PIR: variants seen among roughly 807,000 people sequenced by gnomAD.
PIR encodes the protein pirin (iron-binding nuclear protein).
In PIR, 22 loss-of-function variants were observed where a neutral mutation model predicts 24.2. The observed-to-expected ratio is 0.91, with a 90% confidence interval of 0.65 to 1.30. PIR has a LOEUF of 1.30. Among genes scored for constraint, PIR ranks in the 50% most tolerant of loss-of-function variants. PIR has a pLI of 0.00. For synonymous variants in PIR, 80 were observed against 79.6 expected, an observed-to-expected ratio of 1.00 and a Z score of -0.03; for missense variants, 220 against 220.3, an observed-to-expected ratio of 1.00 and a Z score of 0.01.
intron 2 of PIR, among the ~76,000 whole-genome samples, chrX:15,484,986 A>G (rs1922734611): frequency 8.9e-6 from 1 of 112,236 alleles, no homozygotes; most frequent in Admixed American, 9.4e-5. Context: ...GCCTACCCAT[A>G]TTATAAAAAA....
At chrX:15,443,099 G>A (rs1343112256) in intron 5 of PIR, among the ~76,000 whole-genome samples, 6 of 111,698 alleles carry the variant, frequency 5.4e-5, no homozygotes, top group Non-Finnish European at 1.1e-4. Flanking sequence ...TCTCGTTAGG[G>A]GTTAATGCAG....
intron 5 of PIR, among the ~76,000 whole-genome samples, chrX:15,451,609 T>A (rs1920966803): frequency 8.9e-6 from 1 of 111,935 alleles, no homozygotes. Context: ...AGCATCCATG[T>A]ATATTTTAAT....
chrX:15,412,076 T>C (rs1381527628), intron 6 of PIR, among the ~76,000 whole-genome samples: 2 of 112,241 alleles, frequency 1.8e-5, no homozygotes, highest in East Asian at 5.5e-4. Context: ...AAAAGTATAG[T>C]GCACTTATGG....
chrX:15,397,463 G>C lies in PIR; in HGVS notation c.679C>G (p.Gln227Glu). 8.4e-7 allele frequency: 1 copy of C among 1,190,389 alleles called. No homozygotes were observed. Among genetic ancestry groups the C allele is most frequent in the South Asian group, 1.8e-5 (1 of 56,518 alleles). The change falls in exon 8 of 10, where the codon CAG becomes GAG. Residue 227 changes from glutamine (Q) to glutamate (E), a missense_variant. By Grantham distance (29) the Gln-to-Glu change is conservative. Transcript: ENST00000380420. ...TAVLGEGDSVQVENKDPKRSH... is the reference protein window; with the variant it reads ...TAVLGEGDSVEVENKDPKRSH... ...AACATACTTACCTTGTTCTCCACCT[G>C]GACACTGTCACCTTCTCCAAGCACT...
At chrX:15,453,505 C>A (rs1018562020) in intron 5 of PIR, among the ~76,000 whole-genome samples, 1 of 111,894 alleles carries the variant, frequency 8.9e-6, no homozygotes, top group South Asian at 3.7e-4. Context: ...ATGCAGGTAA[C>A]CACTGCACCA....
chrX:15,407,555 A>G lies in PIR; in HGVS notation c.566-5T>C. On this transcript the variant is annotated splice_region_variant and splice_polypyrimidine_tract_variant and intron_variant, in intron 6 of 9. Coordinates refer to ENST00000380420, the MANE Select transcript of PIR (RefSeq NM_001018109.3). ...TGTAAATGAAGCTTGTCCACCCTGG[A>G]AAGGACCAGCAACATTAACATGTTA... 1 of 1,186,019 alleles carries G rather than the reference A, an allele frequency of 8.4e-7. No individual in the cohort carries two copies. The highest frequency in any genetic ancestry group is 1.1e-6 in the Non-Finnish European group (1 of 871,760).
intron 6 of PIR, 132 bp from the exon 7 acceptor site, chrX:15,407,682 G>T (rs1924594136): frequency 2.0e-6 from 1 of 507,935 alleles, no homozygotes; most frequent in Non-Finnish European, 3.5e-6. Context: ...GACATTTTAA[G>T]ATTTAAGTTC....
At chrX:15,420,623 T>A (rs1033652092) in intron 6 of PIR, among the ~76,000 whole-genome samples, 45 of 111,847 alleles carry the variant, frequency 4.0e-4, no homozygotes, top group African/African-American at 1.4e-3. Context: ...TGAATTCCCA[T>A]TGATAGAAAA....
intron 5 of PIR, among the ~76,000 whole-genome samples, chrX:15,440,463 G>C (rs147745932): frequency 7.7e-4 from 85 of 109,963 alleles, no homozygotes; most frequent in African/African-American, 2.7e-3. Context: ...ATGTCTGCTT[G>C]GTGAAGTTTT....
rs73451237 is a variant in PIR, at chrX:15,453,010, C to G, written c.480+2838G>C. 7.4e-3 allele frequency among the ~76,000 whole-genome samples: 830 copies of G among 111,926 alleles called. 10 individuals carry two copies. Among genetic ancestry groups the G allele is most frequent in the African/African-American group, 0.025 (783 of 30,824 alleles). On this transcript the variant is annotated intron_variant, in intron 5 of 9. Transcript: ENST00000380420. ...TTAACCTAAAATTGTCTTCCTGATGCGAAACAATCTTCAGTTTCTTTTTAT... is the reference window on the plus strand; with the variant it reads ...TTAACCTAAAATTGTCTTCCTGATGGGAAACAATCTTCAGTTTCTTTTTAT...
rs1319794474 is a variant in PIR at position 15,455,830 on chromosome X, C to T, written c.480+18G>A. On this transcript the variant is annotated intron_variant, in intron 5 of 9. Coordinates refer to ENST00000380420, the MANE Select transcript of PIR (RefSeq NM_001018109.3). ...CACTGCATGCCTCAGGTTAAATAGA[C>T]ACAATAGCCTGGCTTACCTTTATTC... 8 of 1,175,985 alleles carry T rather than the reference C, an allele frequency of 6.8e-6. No individual in the cohort carries two copies. The highest frequency in any genetic ancestry group is 9.3e-6 in the Non-Finnish European group (8 of 862,919).
At chrX:15,417,471 G>A (rs779606811) in intron 6 of PIR, among the ~76,000 whole-genome samples, 18 of 112,227 alleles carry the variant, frequency 1.6e-4, no homozygotes, top group Middle Eastern at 4.2e-3. Flanking sequence ...CAAGGAAGAT[G>A]TAGCTCCTTT....
At chrX:15,467,757 A>G (rs1249029607) in intron 3 of PIR, among the ~76,000 whole-genome samples, 3 of 110,884 alleles carry the variant, frequency 2.7e-5, no homozygotes, top group Non-Finnish European at 5.7e-5. Flanking sequence ...TTTTTCTTTC[A>G]CTCTGATTAA....
chrX:15,485,839 A>C (rs953548490), intron 2 of PIR, among the ~76,000 whole-genome samples: 1 of 112,432 alleles, frequency 8.9e-6, no homozygotes. Context: ...TAAAATAAAC[A>C]TGTGTTATCG....
chrX:15,441,990 C>T (rs910945525), intron 5 of PIR, among the ~76,000 whole-genome samples: 3 of 110,879 alleles, frequency 2.7e-5, no homozygotes, highest in Admixed American at 9.6e-5. Context: ...TCAATTCGTT[C>T]GGAACTTGGG....
chrX:15,487,508 G>A (rs895868707), intron 2 of PIR, among the ~76,000 whole-genome samples: 1 of 111,927 alleles, frequency 8.9e-6, no homozygotes, highest in African/African-American at 3.2e-5. Flanking sequence ...ATGGAGATTC[G>A]TCATACTATT....
At chrX:15,439,700 T>C (rs1925854148) in intron 5 of PIR, among the ~76,000 whole-genome samples, 1 of 112,061 alleles carries the variant, frequency 8.9e-6, no homozygotes, top group African/African-American at 3.2e-5. Context: ...TACAAAAACC[T>C]CAAGGACTGT....
chrX:15,397,544 T>C lies in PIR; in HGVS notation c.611-13A>G, dbSNP rs879074142. 8.8e-7 allele frequency: 1 copy of C among 1,140,723 alleles called. No homozygotes were observed. The highest frequency in any genetic ancestry group is 1.2e-6 in the Non-Finnish European group (1 of 830,690). The allele number at this position is 1,140,723 out of a possible 1,213,427, so 94.0% of individuals were successfully genotyped here. The stretch of plus-strand genomic sequence containing the variant: ...GCATCATCGGGCCCTACAAAACCAA[T>C]GACACACTAATTTAATACCCATTAT... On this transcript the variant is annotated splice_polypyrimidine_tract_variant and intron_variant, in intron 7 of 9. Transcript: ENST00000380420.
At chrX:15,393,229 T>C (rs769220017) in intron 8 of PIR, among the ~76,000 whole-genome samples, 7 of 112,157 alleles carry the variant, frequency 6.2e-5, no homozygotes, top group Non-Finnish European at 1.1e-4. Context: ...GTTTACTTAA[T>C]AATTTACTTT....
Sources: gnomAD v4.1 joint callset for allele counts (sites outside exome capture counted in the v4.1 genomes callset) on GRCh38, gnomAD v4.1.1 for gene constraint, MANE v1.5 for transcripts, NCBI Gene and HGNC (gene_info 2026-07-23, HGNC 2026-07-21) for gene names.